HMCN2: variants seen among roughly 807,000 people sequenced by gnomAD.
The protein encoded by HMCN2 is hemicentin-2.
A neutral mutation model predicts 377.5 loss-of-function variants in HMCN2; 325 were observed. The ratio of observed to expected loss-of-function variants is 0.86; its 90% CI spans 0.79 to 0.94. The LOEUF is 0.94. Among genes scored for constraint, HMCN2 ranks in the 40% least tolerant of loss-of-function variants. HMCN2 has a pLI of 0.00. For missense variants in HMCN2, 4,543 were observed against 4,725.3 expected, an observed-to-expected ratio of 0.96 and a Z score of 1.13; for synonymous variants, 2,007 against 2,046.8, an observed-to-expected ratio of 0.98 and a Z score of 0.53.
intron 1 of HMCN2, among the ~76,000 whole-genome samples, chr9:130,269,931 C>T (rs1287831446): frequency 2.0e-5 from 3 of 148,252 alleles, no homozygotes; most frequent in Non-Finnish European, 4.5e-5. Flanking sequence ...CTGCCTCAGC[C>T]TCCTGAGTAG....
intron 1 of HMCN2, among the ~76,000 whole-genome samples, chr9:130,268,835 G>A (rs1167707867): frequency 6.7e-6 from 1 of 148,642 alleles, no homozygotes; most frequent in Non-Finnish European, 1.5e-5. Flanking sequence ...GGAAGGGCAA[G>A]ATTGGACACA....
At chr9:130,318,351 A>AG (rs1178667790) in intron 15 of HMCN2, among the ~76,000 whole-genome samples, 20 of 151,850 alleles carry the variant, frequency 1.3e-4, no homozygotes, top group Non-Finnish European at 2.9e-4. Context: ...GGTTAAAATA[A>AG]AAAGGCCAGG....
At position 130,364,817 on chromosome 9, in the gene HMCN2, C is replaced by A; in HGVS notation, c.6336C>A (p.Ser2112Arg). Residue 2112 changes from serine (S) to arginine (R), a missense_variant, in exon 41 of 98, where the codon AGC (serine) becomes AGA (arginine). Ser to Arg is a moderately radical substitution (Grantham distance 110). Around this residue, in one of 5 missense-constraint regions of HMCN2, gnomAD observed 1,032 missense variants for 1,285.1 expected, o/e 0.80. Coordinates refer to ENST00000683500, the MANE Select transcript of HMCN2 (RefSeq NM_001291815.2). The stretch of plus-strand genomic sequence containing the variant: ...ACGCCATGCCCCCTCCTGTGCTGAG[C>A]TGGTGGAAGGACGGGCGGCCCCTGG... ...QSHAMPPPVL[S>R]WWKDGRPLEP... 1.0e-6 allele frequency: 1 copy of A among 986,088 alleles called. No individual in the cohort carries two copies. The allele number at this position is 986,088 out of a possible 1,614,324, so 61.1% of individuals were successfully genotyped here. A position where few individuals can be genotyped will look rare whatever the true frequency, so the allele number is the denominator to read the frequency against.
chr9:130,282,460 T>C (rs1277245411), intron 1 of HMCN2, among the ~76,000 whole-genome samples: 2 of 152,154 alleles, frequency 1.3e-5, no homozygotes, highest in Non-Finnish European at 2.9e-5. Flanking sequence ...CTGGCCAAGC[T>C]CCAAGGCTGA....
intron 4 of HMCN2, among the ~76,000 whole-genome samples, chr9:130,289,171 C>T (rs1320291582): frequency 6.6e-6 from 1 of 152,294 alleles, no homozygotes; most frequent in East Asian, 1.9e-4. Flanking sequence ...GCATCTTGCT[C>T]TCCTCTGCAT....
In HMCN2 at chr9:130,356,182, C is replaced by T. The variant is rs1398869743; in HGVS notation, c.5350C>T (p.His1784Tyr). 2 of 1,303,242 alleles carry T rather than the reference C, an allele frequency of 1.5e-6. No homozygotes were observed. Among genetic ancestry groups the T allele is most frequent in the African/African-American group, 1.5e-5 (1 of 65,858 alleles). The allele number at this position is 1,303,242 out of a possible 1,614,324, so 80.7% of individuals were successfully genotyped here. Residue 1784 changes from histidine to tyrosine, a missense_variant, in exon 34 of 98, where the codon CAC (histidine) becomes TAC (tyrosine). By Grantham distance (83) the His-to-Tyr change is moderately conservative. Transcript: ENST00000683500. ...GCACATTGACCATGTGGAGCTGGAC[C>T]ACTCAGGCCTCTTCGCCTGCCAGGC... The part of the protein sequence containing the change: ...TLHIDHVELD[H>Y]SGLFACQATN...
intron 22 of HMCN2, among the ~76,000 whole-genome samples, chr9:130,329,340 T>C (rs1838300366): frequency 6.6e-6 from 1 of 152,170 alleles, no homozygotes; most frequent in African/African-American, 2.4e-5. Context: ...AATGGCCAAA[T>C]AGTGTCCCAT....
In HMCN2 at chr9:130,345,090, T is replaced by A. The variant is rs1374865667; in HGVS notation, c.3830-2076T>A. On this transcript the variant is annotated intron_variant, in intron 25 of 97. Coordinates refer to ENST00000683500, the MANE Select transcript of HMCN2 (RefSeq NM_001291815.2). ...GGTGTGTGTAGTGTGTAGTGCATGG[T>A]GTGTATGTGGTGTGTGGTATGTATT... Among the ~76,000 whole-genome samples the A allele has an allele frequency of 1.7e-3, 251 of 149,318 alleles. 1 individual carries two copies. The highest frequency in any genetic ancestry group is 5.9e-3 in the African/African-American group (234 of 39,730).
intron 66 of HMCN2, among the ~76,000 whole-genome samples, chr9:130,392,867 G>C (rs1334746517): frequency 2.6e-5 from 4 of 151,886 alleles, no homozygotes; most frequent in Non-Finnish European, 4.4e-5. Flanking sequence ...CTGGTGGCGG[G>C]CGCCTGTAGT....
intron 23 of HMCN2, among the ~76,000 whole-genome samples, chr9:130,340,643 C>T (rs1376123072): frequency 6.6e-6 from 1 of 152,024 alleles, no homozygotes; most frequent in Non-Finnish European, 1.5e-5. Flanking sequence ...CTTCAGCCTC[C>T]GAGTAGTTGG....
chr9:130,308,366 G>T lies in HMCN2; in HGVS notation c.2200+800G>T, dbSNP rs1353528815. On this transcript the variant is annotated intron_variant, in intron 14 of 97. Coordinates refer to ENST00000683500, the MANE Select transcript of HMCN2 (RefSeq NM_001291815.2). The surrounding 1 kb of genome is among the most constrained non-coding windows in gnomAD (Gnocchi z 4.1). ...CTGAAAATGACAGCAATAATGACAGGGTTGTCCTGAGGCCCTGAGGTCATG... is the reference window on the plus strand; with the variant it reads ...CTGAAAATGACAGCAATAATGACAGTGTTGTCCTGAGGCCCTGAGGTCATG... Among the ~76,000 whole-genome samples, 1 of 152,206 alleles carries T rather than the reference G, an allele frequency of 6.6e-6. No homozygotes were observed. The highest frequency in any genetic ancestry group is 1.5e-5 in the Non-Finnish European group (1 of 68,042).
rs190455209 is a variant in HMCN2, at chr9:130,404,630, C to A, written c.12149-239C>A. 2.0e-4 allele frequency among the ~76,000 whole-genome samples: 30 copies of A among 152,350 alleles called. No homozygotes were observed. In the East Asian group the frequency reaches 5.8e-3, roughly 29 times the overall value. On this transcript the variant is annotated intron_variant, in intron 80 of 97. Transcript: ENST00000683500. The stretch of plus-strand genomic sequence containing the variant: ...GTGTGTGTGCGTGTATATGTGCATG[C>A]ATGTGTGTGTGTGTGTACACGTGTG...
At chr9:130,283,679 C>T (rs1395314045) in intron 1 of HMCN2, among the ~76,000 whole-genome samples, 1 of 152,118 alleles carries the variant, frequency 6.6e-6, no homozygotes, top group Non-Finnish European at 1.5e-5. Flanking sequence ...TGGAACCATA[C>T]TGTGTGTGCT....
rs1554938307 is a variant in HMCN2 at position 130,309,888 on chromosome 9, GATGCTTCTTCCTC to G, written c.2201-23_2201-11del. 1 of 464,308 alleles carries G rather than the reference GATGCTTCTTCCTC, an allele frequency of 2.2e-6. No homozygotes were observed. The highest frequency in any genetic ancestry group is 4.5e-6 in the Non-Finnish European group (1 of 223,186). The allele number at this position is 464,308 out of a possible 1,614,324, so 28.8% of individuals were successfully genotyped here. On this transcript the variant is annotated splice_polypyrimidine_tract_variant and intron_variant, in intron 14 of 97. Transcript: ENST00000683500. The stretch of plus-strand genomic sequence containing the variant: ...TCCATGGTACCAGGGACACCGGCCT[GATGCTTCTTCCTC>G]TTTGGTCCAGGGGGTCTTGAAATGA...
chr9:130,399,377 G>T (rs1030870099), intron 75 of HMCN2, 134 bp from the exon 76 acceptor site: 25 of 1,068,520 alleles, frequency 2.3e-5, no homozygotes, highest in Non-Finnish European at 2.7e-5. Flanking sequence ...GAAACTTCTA[G>T]AAGACATTTC....
intron 13 of HMCN2, 85 bp from the exon 14 acceptor site, chr9:130,307,368 G>A: frequency 4.3e-6 from 2 of 463,328 alleles, no homozygotes; most frequent in South Asian, 3.1e-5. Flanking sequence ...GTTGGGATGA[G>A]GGAGAGGGCT....
At position 130,380,626 on chromosome 9, in the gene HMCN2, A is replaced by C. The variant is rs114170459; in HGVS notation, c.8431+1159A>C. On this transcript the variant is annotated intron_variant, in intron 54 of 97. Transcript: ENST00000683500. Reference sequence around the variant, plus strand: ...ACATCGTGAGACCCCGTCTGTACAAAATATTTTAAAACTAGCTGGGCGTGG... The same window carrying C: ...ACATCGTGAGACCCCGTCTGTACAACATATTTTAAAACTAGCTGGGCGTGG... Among the ~76,000 whole-genome samples the C allele has an allele frequency of 9.0e-3, 1,361 of 151,992 alleles. 22 individuals carry two copies. The highest frequency in any genetic ancestry group is 0.031 in the African/African-American group (1,278 of 41,406).
Position 130,395,938 on chromosome 9 carries a change from A to G in HMCN2, c.10926A>G (p.Thr3642=), listed in dbSNP as rs1359736838. The G allele has an allele frequency of 2.3e-6, 3 of 1,287,334 alleles. No individual in the cohort carries two copies. In the African/African-American group the frequency reaches 4.6e-5, roughly 20 times the overall value. The allele number at this position is 1,287,334 out of a possible 1,614,324, so 79.7% of individuals were successfully genotyped here. ...GGGCTCTCCAGGAGGACGCCCACAC[A>G]CAATTCCCGGAGCGGGGCAGGTTCC... is the stretch of plus-strand genomic sequence containing the variant. ...DGIVLQEDAH[T]QFPERGRFLQ... The change falls in exon 72 of 98, where the codon ACA becomes ACG. Residue 3642 remains threonine (T), a synonymous_variant. Transcript: ENST00000683500.
chr9:130,340,611 CCG>C (rs1838993912), intron 23 of HMCN2, among the ~76,000 whole-genome samples: 1 of 152,030 alleles, frequency 6.6e-6, no homozygotes, highest in Non-Finnish European at 1.5e-5. Flanking sequence ...CCTCCGCCTC[CCG>C]GGTTCAAGCA....
Sources: allele counts gnomAD v4.1 joint callset (sites outside exome capture counted in the v4.1 genomes callset), GRCh38; gene constraint gnomAD v4.1.1; regional missense constraint gnomAD v4.1.1; non-coding constraint Gnocchi (gnomAD v3.1); transcripts MANE v1.5; gene names NCBI Gene and HGNC (gene_info 2026-07-23, HGNC 2026-07-21).